Variants in GPM6B observed in about 807,000 individuals in gnomAD.
GPM6B encodes glycoprotein M6B, also known as neuronal membrane glycoprotein M6-b.
In GPM6B, 4 loss-of-function variants were observed where a neutral mutation model predicts 27.2. That is an observed-to-expected ratio of 0.15 (90% CI 0.07 to 0.34). The LOEUF is 0.34. Ranked by LOEUF, GPM6B falls within the 10% of genes least tolerant of loss-of-function variation. The pLI is 1.00. For synonymous variants in GPM6B, 124 were observed against 103.1 expected (o/e 1.20, Z -1.23); for missense variants, 183 against 261.9 (o/e 0.70, Z 2.08).
chrX:13,817,850 T>G (rs1274447347), upstream of GPM6B, among the ~76,000 whole-genome samples: 3 of 112,213 alleles, frequency 2.7e-5, no homozygotes, highest in Non-Finnish European at 5.6e-5. Context: ...CCTTCCTTAT[T>G]TAAAAATAAG....
intron 1 of GPM6B, among the ~76,000 whole-genome samples, chrX:13,897,581 AATCT>A (rs1302527806): frequency 8.9e-6 from 1 of 112,269 alleles, no homozygotes; most frequent in East Asian, 2.8e-4. Flanking sequence ...TCTACGCATC[AATCT>A]ATCTGTTACT....
At position 13,776,250 on chromosome X, in the gene GPM6B, G is replaced by A. The variant is rs150105469; in HGVS notation, c.825C>T (p.Thr275=). ...FIVACAGAGA[T]VIALIHFLMI... ...GGCCATTACTCACCAGGGCAATGAC[G>A]GTGGCACCAGCTCCTGCACAGGCCA... The change falls in exon 7 of 8, where the codon ACC becomes ACT. Residue 275 remains threonine (T), a synonymous_variant. Transcript: ENST00000316715. 9.7e-5 allele frequency: 117 copies of A among 1,206,474 alleles called. No individual in the cohort carries two copies. The East Asian group carries it at 1.9e-3, about 20-fold the overall frequency.
chrX:13,776,987 T>C (rs1314211946), intron 6 of GPM6B, among the ~76,000 whole-genome samples: 1 of 106,918 alleles, frequency 9.4e-6, no homozygotes, highest in Non-Finnish European at 1.9e-5. Context: ...ATCCGTTCTG[T>C]GACAGGTGTT....
At chrX:13,851,149 C>T (rs889195734) in intron 1 of GPM6B, among the ~76,000 whole-genome samples, 4 of 80,266 alleles carry the variant, frequency 5.0e-5, no homozygotes, top group African/African-American at 1.5e-4. Flanking sequence ...GGCAACAGAG[C>T]GAGACTCCAT....
chrX:13,789,896 A>G lies in GPM6B; in HGVS notation c.182-4088T>C, dbSNP rs1165919197. Among the ~76,000 whole-genome samples the G allele has an allele frequency of 2.7e-5, 3 of 110,853 alleles. No homozygotes were observed. In the East Asian group the frequency reaches 8.6e-4, roughly 32 times the overall value. On this transcript the variant is annotated intron_variant, in intron 2 of 7. Coordinates refer to ENST00000316715, the MANE Select transcript of GPM6B (RefSeq NM_001001995.3). ...GGTCTTGCTCTGTTGCCTAGGTTGG[A>G]GTGCAGTGGCACAATCACTGCTCAC...
At chrX:13,880,512 TA>T (rs2050084194) in intron 1 of GPM6B, among the ~76,000 whole-genome samples, 1 of 108,527 alleles carries the variant, frequency 9.2e-6, no homozygotes, top group Admixed American at 9.8e-5. Context: ...CCGTCTCTAC[TA>T]AAAATACAAA....
chrX:13,840,898 T>C (rs1291720070), intron 1 of GPM6B, among the ~76,000 whole-genome samples: 1 of 111,699 alleles, frequency 9.0e-6, no homozygotes, highest in Non-Finnish European at 1.9e-5. Context: ...AAAGGAGGTG[T>C]CGGATAGGGA....
intron 3 of GPM6B, among the ~76,000 whole-genome samples, chrX:13,785,163 T>C (rs1388211337): frequency 1.8e-5 from 2 of 112,065 alleles, no homozygotes; most frequent in Non-Finnish European, 3.8e-5. Flanking sequence ...TCTTTTTCCT[T>C]CTCTCATGAA....
chrX:13,789,197 G>A (rs1416662373), intron 2 of GPM6B, among the ~76,000 whole-genome samples: 1 of 111,867 alleles, frequency 8.9e-6, no homozygotes, highest in African/African-American at 3.3e-5. Context: ...AAGATTGCAT[G>A]TGTGGTAGAT....
chrX:13,897,799 G>A (rs1209267977), intron 1 of GPM6B, among the ~76,000 whole-genome samples: 11 of 111,963 alleles, frequency 9.8e-5, no homozygotes, highest in East Asian at 5.6e-4. Flanking sequence ...CCAGCCAGGC[G>A]TACACAGCCT....
At chrX:13,921,828 C>T (rs1433461438) in intron 1 of GPM6B, among the ~76,000 whole-genome samples, 1 of 111,577 alleles carries the variant, frequency 9.0e-6, no homozygotes, top group East Asian at 2.8e-4. Flanking sequence ...CCACCTGCCT[C>T]GGCCTCCCAA....
chrX:13,924,170 C>T lies in GPM6B; in HGVS notation c.-198+14157G>A, dbSNP rs776538582. ...CACAGCAGACTCATCTGCATATAAC[C>T]TTAATTCACCTGCATGGGACCAAAT... On this transcript the variant is annotated intron_variant, in intron 1 of 6. Coordinates refer to the GPM6B transcript ENST00000398361. Among the ~76,000 whole-genome samples, 3 of 112,688 alleles carry T rather than the reference C, an allele frequency of 2.7e-5. No homozygotes were observed. In the South Asian group the frequency reaches 1.1e-3, roughly 42 times the overall value.
chrX:13,876,329 A>G (rs1373166722), intron 1 of GPM6B, among the ~76,000 whole-genome samples: 1 of 112,354 alleles, frequency 8.9e-6, no homozygotes, highest in East Asian at 2.8e-4. Context: ...TCCATAAAGG[A>G]TCACTGATAA....
At chrX:13,810,730 C>G (rs1356731422) in intron 1 of GPM6B, among the ~76,000 whole-genome samples, 3 of 103,167 alleles carry the variant, frequency 2.9e-5, no homozygotes, top group Non-Finnish European at 5.9e-5. Context: ...GCCTAAGACC[C>G]TTAATTCAGG....
chrX:13,780,111 C>T (rs914820133), intron 4 of GPM6B, 122 bp from the exon 5 acceptor site: 4 of 517,046 alleles, frequency 7.7e-6, no homozygotes, highest in Non-Finnish European at 8.8e-6. Context: ...TGGGGACCCT[C>T]GCCCCGGCAT....
chrX:13,800,418 G>A (rs1022808597), intron 2 of GPM6B, among the ~76,000 whole-genome samples: 11 of 112,449 alleles, frequency 9.8e-5, no homozygotes, highest in Admixed American at 2.8e-4. Context: ...TAGCCACTAT[G>A]TTTTGGAGGA....
rs771086206 is a variant in GPM6B at position 13,772,222 on chromosome X, A to C, written c.*659T>G. 1 of 112,462 alleles carries C rather than the reference A, an allele frequency of 8.9e-6. No homozygotes were observed. Among genetic ancestry groups the C allele is most frequent in the Admixed American group, 9.5e-5 (1 of 10,580 alleles). 9.3% of individuals were successfully genotyped at this position (112,462 alleles called of 1,213,427 possible). A position where few individuals can be genotyped will look rare whatever the true frequency, so the allele number is the denominator to read the frequency against. ...TTCTGGAAAGCTTGTCAGTGAGTCC[A>C]GCATCCAGATTCTTTAATAGTAGGG... is the stretch of plus-strand genomic sequence containing the variant. On this transcript the variant is annotated 3_prime_UTR_variant, in exon 8 of 8. Coordinates refer to ENST00000316715, the MANE Select transcript of GPM6B (RefSeq NM_001001995.3).
chrX:13,878,403 A>G (rs984818927), intron 1 of GPM6B, among the ~76,000 whole-genome samples: 1 of 111,242 alleles, frequency 9.0e-6, no homozygotes. Context: ...GTGAGAAGCA[A>G]GCATTCAAAT....
chrX:13,931,281 C>T (rs185504120), intron 1 of GPM6B, among the ~76,000 whole-genome samples: 2,264 of 110,632 alleles, frequency 0.02, 53 homozygotes, highest in African/African-American at 0.069. Flanking sequence ...CCAAGGCGGG[C>T]GGATCACAAG....
Sources: allele counts gnomAD v4.1 joint callset (sites outside exome capture counted in the v4.1 genomes callset), GRCh38; gene constraint gnomAD v4.1.1; transcripts MANE v1.5; gene names NCBI Gene and HGNC (gene_info 2026-07-23, HGNC 2026-07-21).